The following SYNE1 variants were observed in gnomAD, a reference collection of about 807,000 sequenced individuals.
The protein encoded by SYNE1 is nesprin-1.
In SYNE1, 616 loss-of-function variants were observed where a neutral mutation model predicts 1,111.0. That is an observed-to-expected ratio of 0.55 (90% CI 0.52 to 0.59). The LOEUF is 0.59. SYNE1 is among the 20% of genes least tolerant of loss of function. SYNE1 has a pLI of 0.00. For synonymous variants in SYNE1, 3,855 were observed against 3,825.8 expected (o/e 1.01, Z -0.28); for missense variants, 10,006 against 10,417.0 (o/e 0.96, Z 1.72).
chr6:152,557,332 T>C (rs1024057015), intron 3 of SYNE1, among the ~76,000 whole-genome samples: 2 of 152,152 alleles, frequency 1.3e-5, no homozygotes, highest in East Asian at 3.9e-4. Context: ...ACCATGAAGC[T>C]AATCAATATA....
chr6:152,424,906 T>C (rs1409929769), intron 39 of SYNE1, among the ~76,000 whole-genome samples: 3 of 152,194 alleles, frequency 2.0e-5, no homozygotes, highest in Non-Finnish European at 2.9e-5. Context: ...TAGATGCCAA[T>C]TGTTAATCAC....
chr6:152,391,113 G>T (rs1400748656), intron 52 of SYNE1, among the ~76,000 whole-genome samples, 164 bp downstream of exon 52: 2 of 152,028 alleles, frequency 1.3e-5, no homozygotes, highest in Non-Finnish European at 2.9e-5. Context: ...CTTACAAAGG[G>T]GAAAAATGAT....
intron 3 of SYNE1, among the ~76,000 whole-genome samples, chr6:152,604,359 G>A (rs2099605506): frequency 6.6e-6 from 1 of 152,074 alleles, no homozygotes; most frequent in Non-Finnish European, 1.5e-5. Context: ...CTGGAGTGCA[G>A]TAGTGTGATC....
chr6:152,230,942 TA>T (rs967872402), intron 114 of SYNE1, among the ~76,000 whole-genome samples: 257 of 142,062 alleles, frequency 1.8e-3, no homozygotes, highest in Middle Eastern at 3.6e-3. Flanking sequence ...GCCGACGATC[TA>T]AAAAAAAAAA....
chr6:152,440,958 T>C (rs945152155), intron 32 of SYNE1, among the ~76,000 whole-genome samples, 172 bp downstream of exon 32: 1 of 152,234 alleles, frequency 6.6e-6, no homozygotes, highest in African/African-American at 2.4e-5. Flanking sequence ...TCTTGATGTT[T>C]AATCCTACTT....
At chr6:152,316,755 T>C in intron 87 of SYNE1, 94 bp downstream of exon 87, 1 of 1,497,456 alleles carries the variant, frequency 6.7e-7, no homozygotes, top group Admixed American at 1.8e-5. Context: ...CTCCAAAAAT[T>C]TTACATCACA....
chr6:152,395,497 T>A lies in SYNE1; in HGVS notation c.7712+19A>T. On this transcript the variant is annotated intron_variant, in intron 51 of 145. Transcript: ENST00000367255. The stretch of plus-strand genomic sequence containing the variant: ...AACATGGTAAGAGGTAAAGGACCTG[T>A]TCCATTTCTGGACCATACCTTGCAG... 1 of 1,610,548 alleles carries A rather than the reference T, an allele frequency of 6.2e-7. No individual in the cohort carries two copies.
chr6:152,409,254 A>T (rs768832507), intron 43 of SYNE1, 28 bp from the exon 44 acceptor site: 1 of 1,606,542 alleles, frequency 6.2e-7, no homozygotes. Context: ...CTTAATTAAT[A>T]AAATAGTCAG....
intron 125 of SYNE1, 52 bp downstream of exon 125, chr6:152,207,920 T>C (rs2076819448): frequency 6.3e-7 from 1 of 1,585,196 alleles, no homozygotes; most frequent in Non-Finnish European, 8.7e-7. Flanking sequence ...GAAGGTAAAG[T>C]GTGCGGTGGA....
intron 50 of SYNE1, among the ~76,000 whole-genome samples, chr6:152,396,358 C>G (rs911532356): frequency 1.3e-5 from 2 of 152,098 alleles, no homozygotes; most frequent in Admixed American, 1.3e-4. Context: ...CCCTTCTAAT[C>G]GTATATTCAC....
chr6:152,595,645 C>A (rs146431202), intron 3 of SYNE1, among the ~76,000 whole-genome samples: 1 of 152,154 alleles, frequency 6.6e-6, no homozygotes, highest in Non-Finnish European at 1.5e-5. Context: ...TATATTCTTT[C>A]CCGAATTTGG....
chr6:152,456,875 C>A, intron 22 of SYNE1: 1 of 279,276 alleles, frequency 3.6e-6, no homozygotes. Context: ...ATATCAAGAG[C>A]ATGGTTTTTT....
At position 152,133,295 on chromosome 6, in the gene SYNE1, T is replaced by C; in HGVS notation, c.25982A>G (p.Asp8661Gly). The change falls in exon 143 of 146, where the codon GAC becomes GGC. Residue 8661 changes from aspartate to glycine, a missense_variant. By Grantham distance (94) the Asp-to-Gly change is moderately conservative. Around this residue, in one of 7 missense-constraint regions of SYNE1, gnomAD observed 761 missense variants for 795.5 expected, o/e 0.96. Coordinates refer to ENST00000367255, the MANE Select transcript of SYNE1 (RefSeq NM_182961.4). ...GCTTACCTGCTGACTACTTGACACG[T>C]CTAATAACTTCTCCAGTTCCTTGAT... ...RHIKELEKLL[D>G]VSSSQQDLSS... The C allele has an allele frequency of 6.2e-7, 1 of 1,614,184 alleles. No individual in the cohort carries two copies. The highest frequency in any genetic ancestry group is 8.5e-7 in the Non-Finnish European group (1 of 1,180,032).
chr6:152,348,746 G>GTTT (rs60424784), intron 72 of SYNE1, among the ~76,000 whole-genome samples: 2 of 99,390 alleles, frequency 2.0e-5, no homozygotes, highest in African/African-American at 6.8e-5. Context: ...AAGTTCTAGT[G>GTTT]TTTTTTTTTT....
intron 3 of SYNE1, among the ~76,000 whole-genome samples, chr6:152,623,197 A>T (rs933181766): frequency 6.6e-6 from 1 of 152,174 alleles, no homozygotes; most frequent in Non-Finnish European, 1.5e-5. Flanking sequence ...ATAAGACCAC[A>T]TAGCAACAAA....
chr6:152,398,835 G>T, intron 48 of SYNE1, 104 bp from the exon 49 acceptor site: 1 of 787,360 alleles, frequency 1.3e-6, no homozygotes, highest in Non-Finnish European at 2.1e-6. Flanking sequence ...CTGGCCTTTA[G>T]CTCATCTCCT....
chr6:152,625,426 C>A (rs1405694), intron 3 of SYNE1, among the ~76,000 whole-genome samples: 8 of 152,030 alleles, frequency 5.3e-5, no homozygotes, highest in Non-Finnish European at 5.9e-5. Flanking sequence ...TCACTTCCTG[C>A]CATTTCACCC....
intron 126 of SYNE1, 140 bp downstream of exon 126, chr6:152,206,028 A>T: frequency 1.0e-6 from 1 of 982,954 alleles, no homozygotes; most frequent in Non-Finnish European, 1.5e-6. Flanking sequence ...ACAAAGTCTT[A>T]AATAAAACAC....
intron 16 of SYNE1, among the ~76,000 whole-genome samples, chr6:152,467,306 T>C (rs181948182): frequency 1.3e-5 from 2 of 152,238 alleles, no homozygotes; most frequent in Admixed American, 1.3e-4. Flanking sequence ...TTTAGCCTTA[T>C]ATCTTCTTAT....
Sources: allele counts gnomAD v4.1 joint callset (sites outside exome capture counted in the v4.1 genomes callset), GRCh38; gene constraint gnomAD v4.1.1; regional missense constraint gnomAD v4.1.1; transcripts MANE v1.5; gene names NCBI Gene and HGNC (gene_info 2026-07-23, HGNC 2026-07-21).